ATP2C2: variants seen among roughly 807,000 people sequenced by gnomAD.
ATP2C2 encodes calcium-transporting ATPase type 2C member 2.
A neutral mutation model predicts 110.8 loss-of-function variants in ATP2C2; 171 were observed. The ratio of observed to expected loss-of-function variants is 1.54; its 90% confidence interval spans 1.36 to 1.75. The LOEUF (loss-of-function observed/expected upper bound fraction) is 1.75, where lower values mean the gene tolerates loss of function less well. Ranked by LOEUF, ATP2C2 falls within the 40% of genes most tolerant of loss-of-function variation. The pLI, the probability that ATP2C2 is intolerant of heterozygous loss-of-function variation, is 0.00. For synonymous variants in ATP2C2, 804 were observed against 508.4 expected (o/e 1.58, Z -7.82); for missense variants, 1,963 against 1,235.0 (o/e 1.59, Z -8.84).
intron 7 of ATP2C2, among the ~76,000 whole-genome samples, chr16:84,418,156 C>T (rs1907000407): frequency 6.6e-6 from 1 of 152,172 alleles, no homozygotes; most frequent in South Asian, 2.1e-4. Flanking sequence ...TGATGGGACT[C>T]CAAGTGACGC....
intron 1 of ATP2C2, 32 bp downstream of exon 1, chr16:84,368,746 G>A: frequency 1.4e-6 from 2 of 1,466,354 alleles, no homozygotes; most frequent in African/African-American, 1.5e-5. Flanking sequence ...CCGGGCGTGC[G>A]ACCCGACCCC....
chr16:84,390,879 C>T (rs575525812), intron 1 of ATP2C2, among the ~76,000 whole-genome samples: 4 of 152,144 alleles, frequency 2.6e-5, no homozygotes, highest in East Asian at 1.9e-4. Context: ...TTTGGGAGGC[C>T]GAGGTGGGCG....
intron 7 of ATP2C2, among the ~76,000 whole-genome samples, chr16:84,420,784 TTTGACC>T (rs1288616312): frequency 6.6e-6 from 1 of 152,124 alleles, no homozygotes; most frequent in African/African-American, 2.4e-5. Context: ...GTTCCTTGTT[TTTGACC>T]TTGACCTTGA....
intron 15 of ATP2C2, among the ~76,000 whole-genome samples, chr16:84,444,008 A>C (rs1909511337): frequency 1.3e-5 from 2 of 151,984 alleles, no homozygotes; most frequent in African/African-American, 4.8e-5. Context: ...CTCTACAAAA[A>C]ATATAAAAAT....
intron 24 of ATP2C2, 22 bp downstream of exon 24, chr16:84,460,823 C>G: frequency 3.1e-6 from 5 of 1,598,542 alleles, no homozygotes; most frequent in Non-Finnish European, 3.4e-6. Context: ...TCACCCCGGC[C>G]TGTTCTCCAA....
In ATP2C2 at chr16:84,448,602, A is replaced by C; in HGVS notation, c.1573A>C (p.Asn525His). Residue 525 changes from asparagine (N) to histidine (H), a missense_variant, in exon 17 of 27, where the codon AAC becomes CAC. By Grantham distance (68) the Asn-to-His change is moderately conservative (BLOSUM62 1). Coordinates refer to ENST00000262429, the MANE Select transcript of ATP2C2 (RefSeq NM_014861.4). The stretch of plus-strand genomic sequence containing the variant: ...GATCCGCTACTGCACCATGTACAAC[A>C]ACGGGGGCATCCCCCTGCCGCTGAC... ...EVIRYCTMYN[N>H]GGIPLPLTPQ... 1 of 1,614,126 alleles carries C rather than the reference A, an allele frequency of 6.2e-7. No homozygotes were observed. Among genetic ancestry groups the C allele is most frequent in the Non-Finnish European group, 8.5e-7 (1 of 1,179,998 alleles).
At chr16:84,392,921 T>G (rs1162598245) in intron 1 of ATP2C2, among the ~76,000 whole-genome samples, 3 of 152,272 alleles carry the variant, frequency 2.0e-5, no homozygotes, top group East Asian at 1.9e-4. Context: ...AATGGAGGCT[T>G]GGTGCAACTC....
chr16:84,405,354 C>T, intron 3 of ATP2C2, 110 bp downstream of exon 3: 3 of 905,356 alleles, frequency 3.3e-6, no homozygotes, highest in Non-Finnish European at 5.0e-6. Flanking sequence ...AGCTCCCGCC[C>T]CTTTCACGCT....
chr16:84,422,572 C>T (rs765272369), intron 8 of ATP2C2, 33 bp downstream of exon 8: 20 of 1,611,876 alleles, frequency 1.2e-5, no homozygotes, highest in Middle Eastern at 1.7e-4. Context: ...CTTGGGCTCC[C>T]GTAACCCACA....
chr16:84,452,465 A>G (rs920546445), intron 18 of ATP2C2, among the ~76,000 whole-genome samples: 54 of 149,580 alleles, frequency 3.6e-4, no homozygotes, highest in Non-Finnish European at 6.2e-4. Flanking sequence ...CTCTTCATCA[A>G]TAGAGGGCTA....
chr16:84,394,651 G>A (rs1056632451), intron 1 of ATP2C2, among the ~76,000 whole-genome samples: 1 of 152,074 alleles, frequency 6.6e-6, no homozygotes, highest in African/African-American at 2.4e-5. Flanking sequence ...GAGGCTCCAG[G>A]GGAGGATCTG....
intron 1 of ATP2C2, among the ~76,000 whole-genome samples, chr16:84,393,460 G>A (rs1027243829): frequency 1.3e-5 from 2 of 152,108 alleles, no homozygotes; most frequent in African/African-American, 4.8e-5. Flanking sequence ...TTGGGTCCAG[G>A]GCTATGTCCC....
rs544521837 is a variant in ATP2C2, at chr16:84,436,369, G to A, written c.987-2797G>A. Among the ~76,000 whole-genome samples, 11 of 152,292 alleles carry A rather than the reference G, an allele frequency of 7.2e-5. No homozygotes were observed. The East Asian group carries it at 1.2e-3, about 16-fold the overall frequency. On this transcript the variant is annotated intron_variant, in intron 11 of 26. Coordinates refer to ENST00000262429, the MANE Select transcript of ATP2C2 (RefSeq NM_014861.4). ...AGGGCCTGGGCTCTGGGATCGCCAC[G>A]TGGGCTTGCTCGCCCTGGCCGATTT...
Position 84,452,074 on chromosome 16 carries a change from A to G in ATP2C2, c.1814A>G (p.Glu605Gly). ...AAGATGATAACGGGGGATGCCCTGGAGACGGCCTTGGCCATAGGTAACTGG... is the reference window on the plus strand; with the variant it reads ...AAGATGATAACGGGGGATGCCCTGGGGACGGCCTTGGCCATAGGTAACTGG... The part of the protein sequence containing the change: ...SVKMITGDAL[E>G]TALAIGRNIG... Residue 605 changes from glutamate (E) to glycine (G), a missense_variant, in exon 18 of 27, where the codon GAG becomes GGG. Physicochemically the swap from Glu to Gly is moderately conservative, Grantham distance 98 (BLOSUM62 -2). Coordinates refer to ENST00000262429, the MANE Select transcript of ATP2C2 (RefSeq NM_014861.4). The G allele has an allele frequency of 3.7e-6, 6 of 1,613,780 alleles. No individual in the cohort carries two copies. The highest frequency in any genetic ancestry group is 5.1e-6 in the Non-Finnish European group (6 of 1,179,982).
chr16:84,409,092 C>G (rs1236625650), intron 4 of ATP2C2, among the ~76,000 whole-genome samples: 3 of 152,182 alleles, frequency 2.0e-5, no homozygotes, highest in African/African-American at 7.2e-5. Context: ...GGTTGAATGA[C>G]CTATTCTGGA....
chr16:84,446,432 T>A lies in ATP2C2; in HGVS notation c.1503+2T>A. The A allele has an allele frequency of 6.3e-7, 1 of 1,581,842 alleles. No individual in the cohort carries two copies. The highest frequency in any genetic ancestry group is 8.6e-7 in the Non-Finnish European group (1 of 1,164,992). On this transcript the variant is annotated splice_donor_variant, in intron 16 of 26. Transcript: ENST00000262429. LOFTEE classifies it high-confidence loss of function. ...GTGAAATGCAGTCTGAAGACTGAGG[T>A]GAGACCTTTCAATCTTCAACCTCTT... is the stretch of plus-strand genomic sequence containing the variant.
intron 24 of ATP2C2, 73 bp downstream of exon 24, chr16:84,460,874 C>T (rs973742895): frequency 1.1e-5 from 17 of 1,505,778 alleles, no homozygotes; most frequent in African/African-American, 5.6e-5. Context: ...CAGTCCCTGC[C>T]CTCCTGCCAC....
intron 21 of ATP2C2, among the ~76,000 whole-genome samples, chr16:84,458,853 A>G (rs1214741378): frequency 2.0e-5 from 3 of 152,182 alleles, no homozygotes; most frequent in African/African-American, 7.2e-5. Context: ...AGAGTAATTC[A>G]TGGTCTGATT....
chr16:84,370,546 G>A (rs1007736510), intron 1 of ATP2C2, among the ~76,000 whole-genome samples: 1 of 152,208 alleles, frequency 6.6e-6, no homozygotes, highest in East Asian at 1.9e-4. Context: ...CTTCCTGCCA[G>A]GTTGGCTCAG....
Sources: allele counts gnomAD v4.1 joint callset (sites outside exome capture counted in the v4.1 genomes callset), GRCh38; gene constraint gnomAD v4.1.1; transcripts MANE v1.5; gene names NCBI Gene and HGNC (gene_info 2026-07-23, HGNC 2026-07-21).